AKAP13: variants seen among roughly 807,000 people sequenced by gnomAD.
The protein encoded by AKAP13 is A-kinase anchor protein 13.
In AKAP13, 80 loss-of-function variants were observed where a neutral mutation model predicts 264.5. That is an observed-to-expected ratio of 0.30 (90% CI 0.25 to 0.36). The LOEUF (loss-of-function observed/expected upper bound fraction) is 0.36. Among genes scored for constraint, AKAP13 ranks in the 10% least tolerant of loss-of-function variants. The pLI is 1.00. For synonymous variants in AKAP13, 1,380 were observed against 1,250.2 expected, an observed-to-expected ratio of 1.10 and a Z score of -2.19; for missense variants, 3,712 against 3,435.2, an observed-to-expected ratio of 1.08 and a Z score of -2.01.
At chr15:85,711,038 C>T (rs556048285) in intron 19 of AKAP13, among the ~76,000 whole-genome samples, 14 of 151,400 alleles carry the variant, frequency 9.2e-5, no homozygotes, top group African/African-American at 3.2e-4. Context: ...TTTTTTGAGA[C>T]GGAGTCTCTC....
At chr15:85,635,382 A>C (rs1467470462) in intron 8 of AKAP13, among the ~76,000 whole-genome samples, 1 of 152,108 alleles carries the variant, frequency 6.6e-6, no homozygotes, top group South Asian at 2.1e-4. Context: ...TGTTTATTCA[A>C]ATCTTTTACC....
intron 13 of AKAP13, among the ~76,000 whole-genome samples, chr15:85,668,363 A>G (rs71397892): frequency 0.026 from 3,909 of 152,304 alleles, 71 homozygotes; most frequent in Middle Eastern, 0.068. Flanking sequence ...TCAGTTAACA[A>G]TTGGAATGGG....
chr15:85,721,872 T>G, intron 23 of AKAP13, 119 bp from the exon 24 acceptor site: 1 of 1,480,674 alleles, frequency 6.8e-7, no homozygotes, highest in Non-Finnish European at 9.0e-7. Context: ...ATTTCATTCT[T>G]TTGGGAGAAT....
chr15:85,579,512 A>G lies in AKAP13; in HGVS notation c.1444A>G (p.Met482Val). Residue 482 changes from methionine (M) to valine (V), a missense_variant, in exon 7 of 37, where the codon ATG (methionine) becomes GTG (valine). Transcript: ENST00000394518. ...NVSTPDTAGE[M>V]EHGLMNPDAT... ...CAGTACCCCAGACACTGCAGGGGAA[A>G]TGGAACATGGGCTCATGAACCCAGA... 1.2e-6 allele frequency: 2 copies of G among 1,614,206 alleles called. No individual in the cohort carries two copies. The highest frequency in any genetic ancestry group is 1.7e-6 in the Non-Finnish European group (2 of 1,180,026).
chr15:85,615,003 T>G (rs1186766530), intron 8 of AKAP13, among the ~76,000 whole-genome samples: 1 of 152,220 alleles, frequency 6.6e-6, no homozygotes, highest in Admixed American at 6.5e-5. Flanking sequence ...CTCCCTTTCT[T>G]CCTTCCTCCC....
At chr15:85,613,256 T>G (rs2080752246) in intron 8 of AKAP13, among the ~76,000 whole-genome samples, 1 of 152,238 alleles carries the variant, frequency 6.6e-6, no homozygotes, top group Admixed American at 6.5e-5. Flanking sequence ...AATAGGAGAA[T>G]GCCATACATT....
chr15:85,440,206 G>C (rs947359884), intron 1 of AKAP13, among the ~76,000 whole-genome samples: 3 of 152,084 alleles, frequency 2.0e-5, no homozygotes, highest in African/African-American at 7.2e-5. Context: ...ACACACAATG[G>C]TCATCTCCTC....
In AKAP13 at chr15:85,583,085, G is replaced by A. The variant is rs941354846; in HGVS notation, c.4039+978G>A. 5 of 985,356 alleles carry A rather than the reference G, an allele frequency of 5.1e-6. No individual in the cohort carries two copies. In the African/African-American group the frequency reaches 8.7e-5, roughly 17 times the overall value. The allele number at this position is 985,356 out of a possible 1,614,324, so 61.0% of individuals were successfully genotyped here. On this transcript the variant is annotated intron_variant, in intron 7 of 36. Transcript: ENST00000394518. ...TCCTGAAGTCTTTAAAGGTCAGTTTGATGCACACTTCTATACCACCACCTG... is the reference window on the plus strand; with the variant it reads ...TCCTGAAGTCTTTAAAGGTCAGTTTAATGCACACTTCTATACCACCACCTG...
intron 16 of AKAP13, chr15:85,690,059 A>C (rs575433365): frequency 3.9e-5 from 6 of 152,234 alleles, no homozygotes; most frequent in Non-Finnish European, 7.3e-5. Context: ...GGTTTCATGA[A>C]GTACCCCACA....
chr15:85,494,021 C>A (rs2075804653), intron 2 of AKAP13, among the ~76,000 whole-genome samples: 1 of 152,164 alleles, frequency 6.6e-6, no homozygotes, highest in Admixed American at 6.5e-5. Context: ...AACAAGGGTA[C>A]CCCATTTTAG....
At chr15:85,603,215 A>C (rs1596675811) in intron 8 of AKAP13, among the ~76,000 whole-genome samples, 1 of 152,360 alleles carries the variant, frequency 6.6e-6, no homozygotes, top group East Asian at 1.9e-4. Context: ...GATTTTTCTC[A>C]AGACAGGCAT....
intron 8 of AKAP13, chr15:85,619,335 G>A (rs999152212): frequency 1.8e-5 from 18 of 982,606 alleles, no homozygotes; most frequent in Admixed American, 1.2e-4. Context: ...GGGAGGAGGA[G>A]GCTGGCTAGG....
At chr15:85,500,050 A>G (rs945859842) in intron 2 of AKAP13, among the ~76,000 whole-genome samples, 2 of 152,160 alleles carry the variant, frequency 1.3e-5, no homozygotes, top group African/African-American at 4.8e-5. Context: ...TAAATGTCTG[A>G]TTTGCCAAAG....
At chr15:85,667,151 CTT>C (rs1228899602) in intron 13 of AKAP13, among the ~76,000 whole-genome samples, 2 of 152,142 alleles carry the variant, frequency 1.3e-5, no homozygotes, top group African/African-American at 4.8e-5. Context: ...CTGAGTAGGA[CTT>C]TGTGTAGAAG....
chr15:85,533,075 A>AGT (rs1311063721), intron 3 of AKAP13, among the ~76,000 whole-genome samples: 1 of 152,234 alleles, frequency 6.6e-6, no homozygotes, highest in Non-Finnish European at 1.5e-5. Flanking sequence ...TACTTTTCCA[A>AGT]GTGCTTCATC....
intron 36 of AKAP13, chr15:85,744,106 C>CA (rs1243058138): frequency 2.2e-4 from 94 of 434,254 alleles, no homozygotes; most frequent in Non-Finnish European, 8.2e-5. Context: ...TGAAGTAATT[C>CA]AAGTCCTCCT....
At chr15:85,386,576 A>G (rs879282147) in intron 1 of AKAP13, among the ~76,000 whole-genome samples, 11 of 152,196 alleles carry the variant, frequency 7.2e-5, no homozygotes, top group East Asian at 3.8e-4. Context: ...GGCGTGAGCT[A>G]TTGTGCCCGG....
Position 85,655,552 on chromosome 15 carries a change from G to C in AKAP13, c.4510G>C (p.Asp1504His), listed in dbSNP as rs750645948. 1 of 1,614,110 alleles carries C rather than the reference G, an allele frequency of 6.2e-7. No homozygotes were observed. The highest frequency in any genetic ancestry group is 1.1e-5 in the South Asian group (1 of 91,088). ...SQILKPNRSR[D>H]RQSLDGFYSH... ...GATTTTAAAGCCAAACAGGTCAAGA[G>C]ATCGGCAAAGCCTTGATGGATTCTA... Residue 1504 changes from aspartate to histidine, a missense_variant, in exon 11 of 37, where the codon GAT (aspartate) becomes CAT (histidine). Asp to His is a moderately conservative substitution (Grantham distance 81). This residue lies in a region of AKAP13 where 2,759 missense variants were observed against 2,411.7 expected (regional missense o/e 1.14). Transcript: ENST00000394518.
intron 2 of AKAP13, among the ~76,000 whole-genome samples, chr15:85,510,511 A>G (rs1476809178): frequency 1.3e-5 from 2 of 152,236 alleles, no homozygotes; most frequent in Non-Finnish European, 2.9e-5. Flanking sequence ...AGACTCATTT[A>G]CCTGTCAACA....
Sources: allele counts gnomAD v4.1 joint callset (sites outside exome capture counted in the v4.1 genomes callset), GRCh38; gene constraint gnomAD v4.1.1; regional missense constraint gnomAD v4.1.1; transcripts MANE v1.5; gene names NCBI Gene and HGNC (gene_info 2026-07-23, HGNC 2026-07-21).